Variants in WDR4 observed in about 807,000 individuals in gnomAD.
The protein encoded by WDR4 is WDR4 tRNA N7-guanosine methyltransferase non-catalytic subunit.
A neutral mutation model predicts 48.6 loss-of-function variants in WDR4; 47 were observed. That is an observed-to-expected ratio of 0.97 (90% confidence interval 0.77 to 1.23). The LOEUF is 1.23. Ranked by LOEUF, WDR4 falls within the 50% of genes most tolerant of loss-of-function variation. The pLI is 0.00. For synonymous variants in WDR4, 268 were observed against 230.0 expected, an observed-to-expected ratio of 1.17 and a Z score of -1.49; for missense variants, 606 against 551.6, an observed-to-expected ratio of 1.10 and a Z score of -0.99.
At position 42,849,965 on chromosome 21, in the gene WDR4, C is replaced by A. The variant is rs112678018; in HGVS notation, c.*84G>T. On this transcript the variant is annotated 3_prime_UTR_variant, in exon 11 of 11. Coordinates refer to ENST00000398208, the MANE Select transcript of WDR4 (RefSeq NM_018669.6). ...TCACAACTGATGTCACCTTTTCCTT[C>A]TTGAAGGGACATGCCAGGATGCAGG... 7 of 1,554,180 alleles carry A rather than the reference C, an allele frequency of 4.5e-6. No homozygotes were observed. The African/African-American group carries it at 5.5e-5, about 12-fold the overall frequency.
At chr21:42,870,416 TG>T (rs1257889673) in intron 3 of WDR4, among the ~76,000 whole-genome samples, 1 of 152,180 alleles carries the variant, frequency 6.6e-6, no homozygotes, top group African/African-American at 2.4e-5. Context: ...TCACAAAGTC[TG>T]TGCTTTCACA....
chr21:42,846,046 C>T (rs559160906), downstream of WDR4, among the ~76,000 whole-genome samples: 6 of 152,012 alleles, frequency 3.9e-5, no homozygotes, highest in Admixed American at 6.6e-5. Flanking sequence ...GTGGGAGGAT[C>T]GCTTGAGCCC....
At chr21:42,869,161 G>C (rs2058313517) in intron 3 of WDR4, among the ~76,000 whole-genome samples, 1 of 152,284 alleles carries the variant, frequency 6.6e-6, no homozygotes, top group South Asian at 2.1e-4. Context: ...GGTGGTTTTT[G>C]TTCTTGCTCT....
In WDR4 at chr21:42,854,612, G is replaced by A; in HGVS notation, c.741C>T (p.Ser247=). The part of the protein sequence containing the change: ...DPQAPQKFAA[S]RIAFWCQENC... ...TCTCCTGGCACCAGAATGCAATCCT[G>A]GACGCGGCAAACTTCTAAAAGGAGA... Residue 247 remains serine, a synonymous_variant, in exon 8 of 11, where the codon TCC becomes TCT. Coordinates refer to ENST00000398208, the MANE Select transcript of WDR4 (RefSeq NM_018669.6). 1.2e-6 allele frequency: 2 copies of A among 1,613,774 alleles called. No individual in the cohort carries two copies. Among genetic ancestry groups the A allele is most frequent in the Non-Finnish European group, 1.7e-6 (2 of 1,179,920 alleles).
At chr21:42,847,112 C>T (rs1279408040), downstream of WDR4, among the ~76,000 whole-genome samples, 2 of 151,984 alleles carry the variant, frequency 1.3e-5, no homozygotes, top group African/African-American at 4.8e-5. Context: ...AAGGAATGTC[C>T]TAAAAGTAAA....
At chr21:42,859,595 G>GTGCCCCCCC in intron 6 of WDR4, 67 bp downstream of exon 6, 1 of 756,200 alleles carries the variant, frequency 1.3e-6, no homozygotes, top group Non-Finnish European at 2.3e-6. Context: ...GGTCCAGGAG[G>GTGCCCCCCC]CGCCCACCCC....
chr21:42,871,918 C>T (rs1025031870), intron 3 of WDR4, among the ~76,000 whole-genome samples: 2 of 152,084 alleles, frequency 1.3e-5, no homozygotes, highest in African/African-American at 4.8e-5. Flanking sequence ...CGTTTCAGGG[C>T]TTTCTTTTTA....
intron 10 of WDR4, among the ~76,000 whole-genome samples, chr21:42,850,883 G>C (rs1244894450): frequency 1.3e-5 from 2 of 152,218 alleles, no homozygotes; most frequent in Non-Finnish European, 2.9e-5. Context: ...CAGGCACACG[G>C]AGACAGCCTC....
At chr21:42,852,899 G>A (rs192943229) in intron 9 of WDR4, among the ~76,000 whole-genome samples, 9 of 143,238 alleles carry the variant, frequency 6.3e-5, no homozygotes, top group South Asian at 2.2e-4. Flanking sequence ...TGGGCAACAC[G>A]AGCAAAACTC....
chr21:42,861,305 AAAGAG>A (rs1359875954), intron 5 of WDR4, among the ~76,000 whole-genome samples: 2 of 136,374 alleles, frequency 1.5e-5, no homozygotes, highest in Non-Finnish European at 3.1e-5. Context: ...CACAGCTAAG[AAAGAG>A]AAAAGAAAGG....
chr21:42,868,752 A>G (rs547487278), intron 3 of WDR4, among the ~76,000 whole-genome samples: 14 of 152,332 alleles, frequency 9.2e-5, no homozygotes, highest in African/African-American at 3.4e-4. Context: ...AGCCACCCCC[A>G]CAGCATGTGA....
At chr21:42,849,032 A>T (rs1164281129), downstream of WDR4, among the ~76,000 whole-genome samples, 12 of 121,852 alleles carry the variant, frequency 9.8e-5, no homozygotes, top group Admixed American at 1.7e-4. Flanking sequence ...CGCACCTCAC[A>T]CACACAGCGC....
Position 42,879,537 on chromosome 21 carries a change from A to T in WDR4, c.-42T>A. ...CCGCCATACACATGTGCCAGCCCAGAGCCTCTTCCTGTCCGCACCGGTCGG... is the reference window on the plus strand; with the variant it reads ...CCGCCATACACATGTGCCAGCCCAGTGCCTCTTCCTGTCCGCACCGGTCGG... On this transcript the variant is annotated 5_prime_UTR_variant, in exon 1 of 11. Coordinates refer to ENST00000398208, the MANE Select transcript of WDR4 (RefSeq NM_018669.6). The T allele has an allele frequency of 6.2e-7, 1 of 1,607,022 alleles. No individual in the cohort carries two copies. Among genetic ancestry groups the T allele is most frequent in the Non-Finnish European group, 8.5e-7 (1 of 1,176,860 alleles).
In WDR4 at chr21:42,849,943, C is replaced by A. The variant is rs1327217633; in HGVS notation, c.*106G>T. On this transcript the variant is annotated 3_prime_UTR_variant, in exon 11 of 11. Transcript: ENST00000398208. Reference sequence around the variant, plus strand: ...ACAGCCCCATCCTCTGAGCTGGTCACAACTGATGTCACCTTTTCCTTCTTG... The same window carrying A: ...ACAGCCCCATCCTCTGAGCTGGTCAAAACTGATGTCACCTTTTCCTTCTTG... The A allele has an allele frequency of 7.0e-7, 1 of 1,431,440 alleles. No homozygotes were observed. The highest frequency in any genetic ancestry group is 9.6e-7 in the Non-Finnish European group (1 of 1,039,434). The allele number at this position is 1,431,440 out of a possible 1,614,324, so 88.7% of individuals were successfully genotyped here. A position where few individuals can be genotyped will look rare whatever the true frequency, so the allele number is the denominator to read the frequency against.
chr21:42,890,886 T>G, the WDR4 span, among the ~76,000 whole-genome samples: 91 of 152,374 alleles, frequency 6.0e-4, 1 homozygote, highest in East Asian at 0.017. Context: ...CCTTTCTCTT[T>G]GGCCAAACAC....
chr21:42,850,161 T>C lies in WDR4; in HGVS notation c.1127A>G (p.Glu376Gly), dbSNP rs1457208186. The C allele has an allele frequency of 6.2e-7, 1 of 1,613,984 alleles. No homozygotes were observed. The highest frequency in any genetic ancestry group is 1.3e-5 in the African/African-American group (1 of 74,938). The change falls in exon 11 of 11, where the codon GAG becomes GGG. Residue 376 changes from glutamate to glycine, a missense_variant. Transcript: ENST00000398208. ...CTCTAGCTGCTGCTGCAGTCTCTCC[T>C]CTTTCTTCTTCAGGTAGGAGGTCAC... Reference protein sequence around the residue: ...DNVTSYLKKKEERLQQQLEKK... With the variant: ...DNVTSYLKKKGERLQQQLEKK...
At chr21:42,868,066 T>G (rs1418229866) in intron 3 of WDR4, among the ~76,000 whole-genome samples, 1 of 151,896 alleles carries the variant, frequency 6.6e-6, no homozygotes, top group Non-Finnish European at 1.5e-5. Flanking sequence ...TCAAATGACC[T>G]CCTCCAAGAA....
rs866434656 is a variant in WDR4 at position 42,854,619 on chromosome 21, G to A, written c.734C>T (p.Ala245Val). ...LVDPQAPQKF[A>V]ASRIAFWCQE... ...GCACCAGAATGCAATCCTGGACGCG[G>A]CAAACTTCTAAAAGGAGAAGAAGCC... Residue 245 changes from alanine (A) to valine (V), a missense_variant, in exon 8 of 11, where the codon GCC becomes GTC. By Grantham distance (64) the Ala-to-Val change is moderately conservative (BLOSUM62 0). Transcript: ENST00000398208. The A allele has an allele frequency of 6.2e-7, 1 of 1,613,170 alleles. No homozygotes were observed. The highest frequency in any genetic ancestry group is 1.3e-5 in the African/African-American group (1 of 75,024).
At chr21:42,876,604 A>G in intron 2 of WDR4, 98 bp downstream of exon 2, 1 of 1,175,882 alleles carries the variant, frequency 8.5e-7, no homozygotes, top group Non-Finnish European at 1.2e-6. Flanking sequence ...GACAGAAGCT[A>G]AGAATTCAGC....
Sources: gnomAD v4.1 joint callset for allele counts (sites outside exome capture counted in the v4.1 genomes callset) on GRCh38, gnomAD v4.1.1 for gene constraint, MANE v1.5 for transcripts, NCBI Gene and HGNC (gene_info 2026-07-23, HGNC 2026-07-21) for gene names.